SLC4A10: variants seen among roughly 807,000 people sequenced by gnomAD.
SLC4A10 encodes the protein sodium-driven chloride bicarbonate exchanger.
In SLC4A10, 42 loss-of-function variants were observed where a neutral mutation model predicts 137.7. The ratio of observed to expected loss-of-function variants is 0.30; its 90% confidence interval spans 0.24 to 0.39. SLC4A10 has a LOEUF of 0.39. Ranked by LOEUF, SLC4A10 falls within the 10% of genes least tolerant of loss-of-function variation. SLC4A10 has a pLI of 1.00. For synonymous variants in SLC4A10, 474 were observed against 464.1 expected (o/e 1.02, Z -0.27); for missense variants, 925 against 1,355.0 (o/e 0.68, Z 4.98).
chr2:161,683,363 G>C (rs922845527), intron 1 of SLC4A10, among the ~76,000 whole-genome samples: 1 of 152,172 alleles, frequency 6.6e-6, no homozygotes, highest in African/African-American at 2.4e-5. Context: ...AGAGCAGAAG[G>C]TTAAGTACTG....
In SLC4A10 at chr2:161,888,300, T is replaced by G. The variant is rs543914912; in HGVS notation, c.1194+5856T>G. On this transcript the variant is annotated intron_variant, in intron 10 of 26. Transcript: ENST00000446997. ...GCTCTATTTTTGGTTCCATATGAAA[T>G]TTAAAGTCGTTTTTTCCAATTCTGC... Among the ~76,000 whole-genome samples the G allele has an allele frequency of 2.0e-3, 306 of 152,264 alleles. 1 individual carries two copies. Among genetic ancestry groups the G allele is most frequent in the African/African-American group, 6.8e-3 (281 of 41,558 alleles).
intron 1 of SLC4A10, among the ~76,000 whole-genome samples, chr2:161,641,178 A>G (rs939106593): frequency 3.3e-5 from 5 of 152,094 alleles, no homozygotes; most frequent in Non-Finnish European, 7.4e-5. Context: ...TTCCAATCTT[A>G]CTGTTTATTA....
At chr2:161,843,008 C>A (rs1307650124) in intron 4 of SLC4A10, among the ~76,000 whole-genome samples, 1 of 152,102 alleles carries the variant, frequency 6.6e-6, no homozygotes, top group Non-Finnish European at 1.5e-5. Flanking sequence ...GTCTCTTTAA[C>A]CTATTGCTAA....
chr2:161,726,207 A>G (rs545998368), intron 1 of SLC4A10, among the ~76,000 whole-genome samples: 29 of 152,302 alleles, frequency 1.9e-4, no homozygotes, highest in South Asian at 6.2e-4. Flanking sequence ...TAACAATTAC[A>G]ATGAATAATA....
intron 4 of SLC4A10, among the ~76,000 whole-genome samples, chr2:161,842,556 G>T (rs2059248162): frequency 6.6e-6 from 1 of 151,476 alleles, no homozygotes; most frequent in South Asian, 2.1e-4. Flanking sequence ...CTTTAAATTG[G>T]TGGCATGTTA....
chr2:161,807,185 C>G (rs1195438751), intron 3 of SLC4A10, among the ~76,000 whole-genome samples: 1 of 152,134 alleles, frequency 6.6e-6, no homozygotes, highest in Non-Finnish European at 1.5e-5. Context: ...TTACCTCCCA[C>G]CAGGTCCCTC....
intron 19 of SLC4A10, among the ~76,000 whole-genome samples, chr2:161,953,501 A>T (rs1163346098): frequency 6.6e-6 from 1 of 151,988 alleles, no homozygotes; most frequent in Admixed American, 6.6e-5. Flanking sequence ...CCAGCTACTC[A>T]GGAGGCTGAG....
chr2:161,814,167 T>G (rs1364760809), intron 3 of SLC4A10, among the ~76,000 whole-genome samples: 1 of 151,954 alleles, frequency 6.6e-6, no homozygotes, highest in Non-Finnish European at 1.5e-5. Context: ...CCAATAAACA[T>G]ATGAAGAAAT....
intron 11 of SLC4A10, among the ~76,000 whole-genome samples, chr2:161,898,540 T>C (rs1044034067): frequency 6.6e-6 from 1 of 152,126 alleles, no homozygotes; most frequent in African/African-American, 2.4e-5. Context: ...TTGGGATCAT[T>C]TCCATCTTTT....
At chr2:161,981,885 G>A (rs1444172221) in intron 26 of SLC4A10, among the ~76,000 whole-genome samples, 1 of 152,212 alleles carries the variant, frequency 6.6e-6, no homozygotes, top group East Asian at 1.9e-4. Context: ...CTGGCAGCGT[G>A]CCACAGATGG....
chr2:161,739,906 A>G (rs1199759014), intron 1 of SLC4A10, among the ~76,000 whole-genome samples: 1 of 152,068 alleles, frequency 6.6e-6, no homozygotes, highest in African/African-American at 2.4e-5. Context: ...CTTTCAATGG[A>G]CATGTTCTGC....
At chr2:161,816,221 T>C (rs941515788) in intron 3 of SLC4A10, among the ~76,000 whole-genome samples, 2 of 152,140 alleles carry the variant, frequency 1.3e-5, no homozygotes, top group Non-Finnish European at 2.9e-5. Context: ...AAATAGTTAT[T>C]TTACGTGGAA....
At chr2:161,862,003 A>C (rs2060461015) in intron 5 of SLC4A10, among the ~76,000 whole-genome samples, 1 of 152,212 alleles carries the variant, frequency 6.6e-6, no homozygotes, top group Admixed American at 6.5e-5. Flanking sequence ...AATGCCTAAA[A>C]AACAATTAGA....
chr2:161,684,770 A>G (rs1396874932), intron 1 of SLC4A10, among the ~76,000 whole-genome samples: 1 of 152,212 alleles, frequency 6.6e-6, no homozygotes, highest in East Asian at 1.9e-4. Context: ...TTGTTCTCAC[A>G]TCATGGAAAA....
At chr2:161,820,646 G>T (rs139966345) in intron 3 of SLC4A10, among the ~76,000 whole-genome samples, 1 of 152,258 alleles carries the variant, frequency 6.6e-6, no homozygotes, top group East Asian at 1.9e-4. Flanking sequence ...TTATTGTATA[G>T]TATGTTAATG....
At chr2:161,830,174 A>AT (rs1315812225) in intron 3 of SLC4A10, among the ~76,000 whole-genome samples, 52 of 150,832 alleles carry the variant, frequency 3.4e-4, no homozygotes, top group African/African-American at 1.2e-3. Context: ...AAAAAAAAAA[A>AT]AAATAACAAC....
In SLC4A10 at chr2:161,875,313, TTC is replaced by T. The variant is rs1470363712; in HGVS notation, c.948+1312_948+1313del. Among the ~76,000 whole-genome samples, 15 of 152,184 alleles carry T rather than the reference TTC, an allele frequency of 9.9e-5. No individual in the cohort carries two copies. In the South Asian group the frequency reaches 2.9e-3, roughly 29 times the overall value. On this transcript the variant is annotated intron_variant, in intron 8 of 26. Coordinates refer to ENST00000446997, the MANE Select transcript of SLC4A10 (RefSeq NM_001178015.2). Reference sequence around the variant, plus strand: ...AGAATTCACCTAGTCTCCAGGTTAGTTCTCTGTTTTAATATTTTAAGTCTTAA... The same window carrying T: ...AGAATTCACCTAGTCTCCAGGTTAGTTCTGTTTTAATATTTTAAGTCTTAA...
At chr2:161,951,619 C>T (rs1694817162) in intron 19 of SLC4A10, among the ~76,000 whole-genome samples, 1 of 152,042 alleles carries the variant, frequency 6.6e-6, no homozygotes, top group Non-Finnish European at 1.5e-5. Flanking sequence ...GTTTTGGTAT[C>T]GTGGGGTAGT....
At chr2:161,708,673 G>A (rs1427236504) in intron 1 of SLC4A10, 2 of 1,500,028 alleles carry the variant, frequency 1.3e-6, no homozygotes, top group Non-Finnish European at 8.8e-7. Context: ...CAGATCTGTT[G>A]TTTGATATTT....
Sources: gnomAD v4.1 joint callset for allele counts (sites outside exome capture counted in the v4.1 genomes callset) on GRCh38, gnomAD v4.1.1 for gene constraint, MANE v1.5 for transcripts, NCBI Gene and HGNC (gene_info 2026-07-23, HGNC 2026-07-21) for gene names.